The following GNAQ variants were observed in gnomAD, a reference collection of about 807,000 sequenced individuals.
GNAQ encodes the protein guanine nucleotide-binding protein G(q) subunit alpha.
GNAQ carries 8 observed loss-of-function variants against 43.9 expected under a neutral mutation model. The ratio of observed to expected loss-of-function variants is 0.18; its 90% CI spans 0.11 to 0.33. The LOEUF is 0.33. Among genes scored for constraint, GNAQ ranks in the 10% least tolerant of loss-of-function variants. The probability of loss-of-function intolerance (pLI) is 1.00; values close to 1 mark genes in which losing one functional copy is unlikely to be tolerated. For missense variants in GNAQ, 158 were observed against 450.8 expected (o/e 0.35, Z 5.88); for synonymous variants, 155 against 170.7 (o/e 0.91, Z 0.71).
chr9:77,821,119 T>C (rs140295666), intron 2 of GNAQ, among the ~76,000 whole-genome samples: 209 of 152,356 alleles, frequency 1.4e-3, no homozygotes, highest in African/African-American at 4.3e-3. Flanking sequence ...TATCCTTTCA[T>C]TAAGACTTCA....
intron 1 of GNAQ, among the ~76,000 whole-genome samples, chr9:77,930,138 T>C (rs1279387016): frequency 6.6e-6 from 1 of 152,220 alleles, no homozygotes; most frequent in African/African-American, 2.4e-5. Context: ...ATGTAATCTT[T>C]GTGCAGGATC....
intron 5 of GNAQ, among the ~76,000 whole-genome samples, chr9:77,765,779 A>T (rs1826125732): frequency 6.6e-6 from 1 of 152,242 alleles, no homozygotes; most frequent in Admixed American, 6.5e-5. Context: ...CAGAACGGAA[A>T]GTAGGAATTT....
chr9:77,994,852 A>G (rs1020350871), intron 1 of GNAQ, among the ~76,000 whole-genome samples: 1 of 152,210 alleles, frequency 6.6e-6, no homozygotes, highest in Non-Finnish European at 1.5e-5. Context: ...AGGCCTAAAT[A>G]TGGGCCATAT....
intron 5 of GNAQ, among the ~76,000 whole-genome samples, chr9:77,779,107 C>G (rs1031502541): frequency 5.3e-5 from 8 of 151,900 alleles, no homozygotes; most frequent in African/African-American, 1.9e-4. Context: ...CCAGCAACAG[C>G]AGAATGCACA....
rs922229448 is a variant in GNAQ at position 78,014,562 on chromosome 9, C to G, written c.136+16538G>C. Among the ~76,000 whole-genome samples, 4 of 152,004 alleles carry G rather than the reference C, an allele frequency of 2.6e-5. No individual in the cohort carries two copies. The East Asian group carries it at 7.7e-4, about 29-fold the overall frequency. On this transcript the variant is annotated intron_variant, in intron 1 of 6. Coordinates refer to ENST00000286548, the MANE Select transcript of GNAQ (RefSeq NM_002072.5). The stretch of plus-strand genomic sequence containing the variant: ...CAGAGGTTGCTGTGAGCCGAGATAG[C>G]GCCACTGCACTCCAGCCTGGGTGAC...
chr9:78,027,972 C>G (rs1311309525), intron 1 of GNAQ, among the ~76,000 whole-genome samples: 1 of 152,096 alleles, frequency 6.6e-6, no homozygotes, highest in Non-Finnish European at 1.5e-5. Flanking sequence ...GAAGCAGGCA[C>G]TCAAGGCCAC....
At chr9:78,024,478 G>A (rs1823952099) in intron 1 of GNAQ, among the ~76,000 whole-genome samples, 1 of 152,122 alleles carries the variant, frequency 6.6e-6, no homozygotes, top group Admixed American at 6.6e-5. Flanking sequence ...CAAGAGCAAG[G>A]ATCTTTGCCT....
chr9:77,886,264 C>T (rs1421078517), intron 2 of GNAQ, among the ~76,000 whole-genome samples: 1 of 152,044 alleles, frequency 6.6e-6, no homozygotes, highest in Non-Finnish European at 1.5e-5. Context: ...TGAGCCACCA[C>T]GCCCGGTCAC....
chr9:77,946,185 C>T (rs1049325295), intron 1 of GNAQ, among the ~76,000 whole-genome samples: 1 of 152,102 alleles, frequency 6.6e-6, no homozygotes, highest in African/African-American at 2.4e-5. Flanking sequence ...AGAGAAGCAA[C>T]AGGAACTAAA....
chr9:77,936,961 ATTC>A (rs1315271810), intron 1 of GNAQ, among the ~76,000 whole-genome samples: 1 of 152,186 alleles, frequency 6.6e-6, no homozygotes, highest in East Asian at 1.9e-4. Context: ...ATGATGAAGT[ATTC>A]TTCTTTCTTT....
intron 5 of GNAQ, among the ~76,000 whole-genome samples, chr9:77,792,973 T>C (rs547367829): frequency 1.3e-5 from 2 of 152,228 alleles, no homozygotes; most frequent in South Asian, 2.1e-4. Context: ...TTGTGTCTTT[T>C]TAGATACTCT....
intron 5 of GNAQ, among the ~76,000 whole-genome samples, chr9:77,777,219 A>T (rs1826317639): frequency 6.6e-6 from 1 of 152,100 alleles, no homozygotes; most frequent in African/African-American, 2.4e-5. Context: ...ATACCATATA[A>T]AGATGGTCCT....
intron 5 of GNAQ, among the ~76,000 whole-genome samples, chr9:77,762,605 A>G (rs1437939234): frequency 6.6e-6 from 1 of 150,912 alleles, no homozygotes; most frequent in African/African-American, 2.4e-5. Flanking sequence ...TGTGACCAAC[A>G]GCCCATTGAG....
At chr9:77,879,180 T>C (rs1288000573) in intron 2 of GNAQ, among the ~76,000 whole-genome samples, 3 of 152,196 alleles carry the variant, frequency 2.0e-5, no homozygotes, top group Non-Finnish European at 4.4e-5. Flanking sequence ...GCAGTTTTAA[T>C]TGTAATTTTT....
intron 2 of GNAQ, among the ~76,000 whole-genome samples, chr9:77,877,272 T>C (rs112145577): frequency 1.3e-5 from 2 of 152,228 alleles, no homozygotes; most frequent in African/African-American, 2.4e-5. Context: ...TTCCATGTCA[T>C]AGAAACTATC....
intron 1 of GNAQ, among the ~76,000 whole-genome samples, chr9:77,983,397 C>A (rs555635805): frequency 3.2e-4 from 48 of 152,296 alleles, no homozygotes; most frequent in Non-Finnish European, 6.5e-4. Context: ...CAAATTCCTC[C>A]ATGGGTAGCC....
intron 1 of GNAQ, among the ~76,000 whole-genome samples, chr9:77,943,024 C>T (rs1329521606): frequency 1.3e-5 from 2 of 152,114 alleles, no homozygotes; most frequent in African/African-American, 4.8e-5. Context: ...GGAATGATGA[C>T]TTCTTAATGG....
intron 2 of GNAQ, among the ~76,000 whole-genome samples, chr9:77,838,229 C>T (rs1174287598): frequency 6.7e-6 from 1 of 149,552 alleles, no homozygotes; most frequent in African/African-American, 2.5e-5. Flanking sequence ...CCGCAACCTC[C>T]ACCTCCTGGG....
chr9:77,872,564 T>C (rs918305542), intron 2 of GNAQ, among the ~76,000 whole-genome samples: 1 of 152,176 alleles, frequency 6.6e-6, no homozygotes, highest in African/African-American at 2.4e-5. Context: ...CAAACATATA[T>C]TTCATAACAG....
Sources: gnomAD v4.1 joint callset for allele counts (sites outside exome capture counted in the v4.1 genomes callset) on GRCh38, gnomAD v4.1.1 for gene constraint, MANE v1.5 for transcripts, NCBI Gene and HGNC (gene_info 2026-07-23, HGNC 2026-07-21) for gene names.